SPOCK3: variants seen among roughly 807,000 people sequenced by gnomAD.
SPOCK3 encodes testican-3.
SPOCK3 carries 30 observed loss-of-function variants against 56.6 expected under a neutral mutation model. The ratio of observed to expected loss-of-function variants is 0.53; its 90% confidence interval spans 0.40 to 0.72. The LOEUF is 0.72. Ranked by LOEUF, SPOCK3 falls within the 30% of genes least tolerant of loss-of-function variation. The probability of loss-of-function intolerance (pLI) is 0.00; values close to 1 mark genes in which losing one functional copy is unlikely to be tolerated. For synonymous variants in SPOCK3, 196 were observed against 183.3 expected (o/e 1.07, Z -0.56); for missense variants, 527 against 530.0 (o/e 0.99, Z 0.06).
At chr4:166,893,365 T>C (rs779086385) in intron 5 of SPOCK3, among the ~76,000 whole-genome samples, 1 of 152,126 alleles carries the variant, frequency 6.6e-6, no homozygotes, top group Non-Finnish European at 1.5e-5. Flanking sequence ...TCAATAACAA[T>C]TCTACAAACC....
At chr4:166,950,833 C>T (rs1430985971) in intron 4 of SPOCK3, among the ~76,000 whole-genome samples, 2 of 148,988 alleles carry the variant, frequency 1.3e-5, no homozygotes, top group African/African-American at 2.6e-5. Flanking sequence ...TCCTGAATGA[C>T]TACTGGGTAC....
intron 6 of SPOCK3, among the ~76,000 whole-genome samples, chr4:166,798,093 A>T (rs1436403983): frequency 1.3e-5 from 2 of 152,222 alleles, no homozygotes; most frequent in Non-Finnish European, 2.9e-5. Context: ...GTGGTAAGAA[A>T]GTCTGATATA....
At chr4:167,039,644 G>A (rs1339122987) in intron 3 of SPOCK3, among the ~76,000 whole-genome samples, 2 of 145,434 alleles carry the variant, frequency 1.4e-5, no homozygotes, top group Non-Finnish European at 3.0e-5. Context: ...GGATAGAAAT[G>A]TATGCATTGG....
At chr4:166,834,247 A>C (rs1560908566) in intron 6 of SPOCK3, among the ~76,000 whole-genome samples, 1 of 152,128 alleles carries the variant, frequency 6.6e-6, no homozygotes, top group Non-Finnish European at 1.5e-5. Flanking sequence ...AAGCATCTCA[A>C]ACCAACTCAT....
rs188946431 is a variant in SPOCK3 at position 166,922,738 on chromosome 4, A to G, written c.351-9995T>C. Among the ~76,000 whole-genome samples, 381 of 152,280 alleles carry G rather than the reference A, an allele frequency of 2.5e-3. 2 individuals are homozygous for G. Among genetic ancestry groups the G allele is most frequent in the African/African-American group, 8.7e-3 (361 of 41,548 alleles). On this transcript the variant is annotated intron_variant, in intron 4 of 10. Coordinates refer to ENST00000357545, the MANE Select transcript of SPOCK3 (RefSeq NM_001040159.2). ...CTAACTTCTGTTGAACTCCACTTAC[A>G]AGCACGCAGGAAGCAGCAGGGCAGT...
At chr4:167,001,442 T>A (rs952453456) in intron 3 of SPOCK3, among the ~76,000 whole-genome samples, 2 of 152,218 alleles carry the variant, frequency 1.3e-5, no homozygotes, top group African/African-American at 4.8e-5. Flanking sequence ...AGTTCAATCA[T>A]GTTGTACCAT....
chr4:167,143,052 A>C (rs1269920896), intron 2 of SPOCK3, among the ~76,000 whole-genome samples: 1 of 152,018 alleles, frequency 6.6e-6, no homozygotes, highest in Admixed American at 6.6e-5. Context: ...AAAATAGATC[A>C]TGGTTGCATC....
intron 2 of SPOCK3, among the ~76,000 whole-genome samples, chr4:167,081,361 G>T (rs1370793582): frequency 6.6e-6 from 1 of 151,916 alleles, no homozygotes; most frequent in Admixed American, 6.6e-5. Context: ...ATAAAGTGTT[G>T]ATGTCTTCTT....
Position 167,089,714 on chromosome 4 carries a change from C to T in SPOCK3, c.190-27177G>A, listed in dbSNP as rs116592551. Among the ~76,000 whole-genome samples, 1,102 of 152,224 alleles carry T rather than the reference C, an allele frequency of 7.2e-3. 12 individuals carry two copies. The highest frequency in any genetic ancestry group is 0.024 in the African/African-American group (982 of 41,560). On this transcript the variant is annotated intron_variant, in intron 2 of 10. Transcript: ENST00000357545. The stretch of plus-strand genomic sequence containing the variant: ...ATCAGTGGGTTGTATCAAATATATA[C>T]AGTCATGTAAATATCACCACAAACA...
intron 4 of SPOCK3, among the ~76,000 whole-genome samples, chr4:166,953,829 G>C (rs536514950): frequency 9.9e-6 from 1 of 101,170 alleles, no homozygotes; most frequent in Non-Finnish European, 2.5e-5. Flanking sequence ...GTAAACTATC[G>C]TAAGAACAAA....
At chr4:166,984,210 T>C (rs942795793) in intron 4 of SPOCK3, among the ~76,000 whole-genome samples, 4 of 152,068 alleles carry the variant, frequency 2.6e-5, no homozygotes, top group Admixed American at 2.0e-4. Context: ...ATATTTTTTA[T>C]ATTTTCCTCA....
chr4:166,892,801 C>G (rs887557767), intron 5 of SPOCK3, among the ~76,000 whole-genome samples: 1 of 151,884 alleles, frequency 6.6e-6, no homozygotes, highest in Admixed American at 6.6e-5. Context: ...ACACTAGTCA[C>G]GGAAAGTTAT....
intron 2 of SPOCK3, among the ~76,000 whole-genome samples, chr4:167,151,686 C>T (rs1203988741): frequency 1.3e-5 from 2 of 152,118 alleles, no homozygotes; most frequent in Non-Finnish European, 2.9e-5. Flanking sequence ...CCGCCCGTCT[C>T]GGCCTCCCAT....
intron 2 of SPOCK3, among the ~76,000 whole-genome samples, chr4:167,200,630 A>C (rs538576346): frequency 6.6e-6 from 1 of 152,178 alleles, no homozygotes; most frequent in African/African-American, 2.4e-5. Context: ...CTAAGGAGCA[A>C]GAGAAGGTCA....
At position 166,925,876 on chromosome 4, in the gene SPOCK3, A is replaced by T. The variant is rs72971650; in HGVS notation, c.351-13133T>A. Among the ~76,000 whole-genome samples, 1,373 of 152,296 alleles carry T rather than the reference A, an allele frequency of 9.0e-3. 20 individuals are homozygous for T. Among genetic ancestry groups the T allele is most frequent in the African/African-American group, 0.032 (1,328 of 41,564 alleles). On this transcript the variant is annotated intron_variant, in intron 4 of 10. Coordinates refer to ENST00000357545, the MANE Select transcript of SPOCK3 (RefSeq NM_001040159.2). The stretch of plus-strand genomic sequence containing the variant: ...AATCCAATTTATTTTAAGAAAACTC[A>T]TGGAGCCACATGAACGCATTAAGCT...
intron 4 of SPOCK3, among the ~76,000 whole-genome samples, chr4:166,923,015 G>A (rs996676568): frequency 2.0e-5 from 3 of 152,166 alleles, no homozygotes; most frequent in Non-Finnish European, 4.4e-5. Context: ...ATCTCTCACC[G>A]TTAGGAATCT....
intron 6 of SPOCK3, among the ~76,000 whole-genome samples, chr4:166,853,158 A>C (rs1017749873): frequency 6.6e-6 from 1 of 152,200 alleles, no homozygotes; most frequent in Non-Finnish European, 1.5e-5. Context: ...ATCCATTTAG[A>C]TATTGAAATA....
At chr4:166,838,204 T>C (rs371218245) in intron 6 of SPOCK3, among the ~76,000 whole-genome samples, 20 of 152,200 alleles carry the variant, frequency 1.3e-4, no homozygotes, top group Non-Finnish European at 2.5e-4. Flanking sequence ...AATTAGTTTA[T>C]GTCATTTGTC....
intron 4 of SPOCK3, among the ~76,000 whole-genome samples, chr4:166,950,217 C>T (rs1742373758): frequency 6.6e-6 from 1 of 151,564 alleles, no homozygotes; most frequent in African/African-American, 2.4e-5. Flanking sequence ...CACACATAGG[C>T]TCAAAATAAA....
Sources: gnomAD v4.1 joint callset for allele counts (sites outside exome capture counted in the v4.1 genomes callset) on GRCh38, gnomAD v4.1.1 for gene constraint, MANE v1.5 for transcripts, NCBI Gene and HGNC (gene_info 2026-07-23, HGNC 2026-07-21) for gene names.